RNF14: variants seen among roughly 807,000 people sequenced by gnomAD.
RNF14 encodes ring finger protein 14, also known as E3 ubiquitin-protein ligase RNF14.
RNF14 carries 26 observed loss-of-function variants against 52.6 expected under a neutral mutation model. The observed-to-expected ratio is 0.49, with a 90% CI of 0.36 to 0.69. The LOEUF is 0.69. Ranked by LOEUF, RNF14 falls within the 30% of genes least tolerant of loss-of-function variation. The probability of loss-of-function intolerance (pLI) is 0.00; values close to 1 mark genes in which losing one functional copy is unlikely to be tolerated. For synonymous variants in RNF14, 194 were observed against 202.0 expected, an observed-to-expected ratio of 0.96 and a Z score of 0.34; for missense variants, 404 against 560.4, an observed-to-expected ratio of 0.72 and a Z score of 2.82.
At chr5:141,971,545 T>C (rs1266104446) in intron 2 of RNF14, among the ~76,000 whole-genome samples, 1 of 126,210 alleles carries the variant, frequency 7.9e-6, no homozygotes, top group East Asian at 2.6e-4. Context: ...GTTCATACTT[T>C]AATTGTAGCT....
chr5:141,956,660 C>G, upstream of RNF14: 1 of 1,614,148 alleles, frequency 6.2e-7, no homozygotes, highest in Middle Eastern at 1.6e-4. Flanking sequence ...CTGAAGTGGC[C>G]CAGCTCTTGG....
upstream of RNF14, chr5:141,957,699 C>G (rs1421894737): frequency 1.2e-6 from 2 of 1,614,176 alleles, no homozygotes; most frequent in Non-Finnish European, 1.7e-6. The surrounding 1 kb of genome is among the most constrained non-coding windows in gnomAD (Gnocchi z 4.3). Context: ...GGCCCAGTTC[C>G]TGGGACAGCT....
chr5:141,979,317 T>C (rs1028711623), intron 5 of RNF14, among the ~76,000 whole-genome samples: 1 of 152,148 alleles, frequency 6.6e-6, no homozygotes, highest in Non-Finnish European at 1.5e-5. Flanking sequence ...GGGCATGATC[T>C]CAGCTCACGG....
intron 6 of RNF14, among the ~76,000 whole-genome samples, chr5:141,982,931 A>G (rs1053847188): frequency 3.9e-5 from 6 of 152,222 alleles, no homozygotes; most frequent in African/African-American, 9.7e-5. Flanking sequence ...ATGCATAAAC[A>G]TACCAACATT....
chr5:141,977,731 G>T (rs574466279), intron 4 of RNF14, among the ~76,000 whole-genome samples: 4 of 152,358 alleles, frequency 2.6e-5, no homozygotes, highest in African/African-American at 9.6e-5. Context: ...CTTAAAAGCA[G>T]CTTGTAAATC....
chr5:141,965,433 G>A (rs1224885519), upstream of RNF14, among the ~76,000 whole-genome samples: 12 of 152,178 alleles, frequency 7.9e-5, no homozygotes, highest in Non-Finnish European at 1.5e-4. Context: ...GGGGACAGGG[G>A]GTGGGAGTTG....
At chr5:141,964,655 C>T (rs1753302892), upstream of RNF14, among the ~76,000 whole-genome samples, 2 of 151,976 alleles carry the variant, frequency 1.3e-5, no homozygotes, top group South Asian at 4.1e-4. Flanking sequence ...ATTCTGTTGC[C>T]CAGGCTGGAG....
rs1252686862 is a variant in RNF14 at position 141,988,609 on chromosome 5, C to A, written c.*819C>A. 2 of 152,232 alleles carry A rather than the reference C, an allele frequency of 1.3e-5. No homozygotes were observed. Among genetic ancestry groups the A allele is most frequent in the East Asian group, 3.8e-4 (2 of 5,326 alleles). The allele number at this position is 152,232 out of a possible 1,614,324, so 9.4% of individuals were successfully genotyped here. A position where few individuals can be genotyped will look rare whatever the true frequency, so the allele number is the denominator to read the frequency against. ...ATTCTCTCTCTTTACCTTTGCCCTA[C>A]CTTCTGTTTGTAAGGATGATTTTAA... On this transcript the variant is annotated 3_prime_UTR_variant, in exon 9 of 9. Transcript: ENST00000394520.
chr5:141,974,072 C>G (rs1754031498), intron 3 of RNF14, among the ~76,000 whole-genome samples: 2 of 152,298 alleles, frequency 1.3e-5, no homozygotes, highest in South Asian at 4.1e-4. Flanking sequence ...TAGAAATTTT[C>G]AAGTACAGTG....
At chr5:141,949,448 C>G in the RNF14 span, 1 of 1,613,456 alleles carries the variant, frequency 6.2e-7, no homozygotes, top group African/African-American at 1.3e-5. Context: ...TGGGGTCCAG[C>G]AGACTTGACA....
At chr5:141,953,113 G>C in the RNF14 span, 2 of 152,316 alleles carry the variant, frequency 1.3e-5, no homozygotes, top group East Asian at 3.9e-4. Context: ...CTCCCTACAT[G>C]CCAAGCCCTA....
the RNF14 span, chr5:141,951,706 A>T: frequency 1.3e-6 from 1 of 784,012 alleles, no homozygotes; most frequent in Non-Finnish European, 2.2e-6. Context: ...CTGGCTTCAG[A>T]TGTTTGTGTG....
Position 141,980,335 on chromosome 5 carries a change from A to G in RNF14, c.1047A>G (p.Pro349=), listed in dbSNP as rs971692866. 4 of 1,613,776 alleles carry G rather than the reference A, an allele frequency of 2.5e-6. No individual in the cohort carries two copies. In the Admixed American group the frequency reaches 5.0e-5, roughly 20 times the overall value. The part of the protein sequence containing the change: ...LCRLTYHGVS[P]CKVTAEKLMD... Reference sequence around the variant, plus strand: ...GGTTGACCTACCATGGGGTCTCCCCATGTAAGGTGACTGCAGGTATGTTTT... The same window carrying G: ...GGTTGACCTACCATGGGGTCTCCCCGTGTAAGGTGACTGCAGGTATGTTTT... The change falls in exon 6 of 9, where the codon CCA becomes CCG. Residue 349 remains proline, a synonymous_variant. Transcript: ENST00000394520.
At chr5:141,962,009 C>T (rs368633306), upstream of RNF14, among the ~76,000 whole-genome samples, 216 of 152,266 alleles carry the variant, frequency 1.4e-3, 2 homozygotes, top group South Asian at 0.015. Context: ...AGCCAAGAAG[C>T]ATCCTCCGGC....
At chr5:141,955,151 G>C (rs142096693), upstream of RNF14, 1 of 1,614,200 alleles carries the variant, frequency 6.2e-7, no homozygotes, top group Admixed American at 1.7e-5. The surrounding 1 kb of genome is among the most constrained non-coding windows in gnomAD (Gnocchi z 5.5). Context: ...GGTGGCCTCT[G>C]TGGGGCTTCC....
chr5:141,978,323 C>G lies in RNF14; in HGVS notation c.327C>G (p.His109Gln), dbSNP rs1446646166. The change falls in exon 5 of 9, where the codon CAC becomes CAG. Residue 109 changes from histidine to glutamine, a missense_variant. Coordinates refer to ENST00000394520, the MANE Select transcript of RNF14 (RefSeq NM_004290.5). ...CCTAGCTATCTGCTCTATGCAAGCA[C>G]TTAGACAACCTATGGGAAGAACACC... is the stretch of plus-strand genomic sequence containing the variant. ...SPTQLSALCK[H>Q]LDNLWEEHRG... is the part of the protein sequence containing the mutation. The G allele has an allele frequency of 6.2e-7, 1 of 1,605,730 alleles. No homozygotes were observed. Among genetic ancestry groups the G allele is most frequent in the African/African-American group, 1.3e-5 (1 of 74,656 alleles).
intron 8 of RNF14, among the ~76,000 whole-genome samples, chr5:141,987,090 G>T (rs1370134440): frequency 6.6e-6 from 1 of 152,192 alleles, no homozygotes; most frequent in Non-Finnish European, 1.5e-5. Context: ...GGCAGCATCA[G>T]GCAGTTGGTT....
At chr5:141,950,461 G>C in the RNF14 span, among the ~76,000 whole-genome samples, 1 of 152,142 alleles carries the variant, frequency 6.6e-6, no homozygotes, top group Non-Finnish European at 1.5e-5. Context: ...GGCCTTATGC[G>C]ATGCAAGGTC....
upstream of RNF14, among the ~76,000 whole-genome samples, chr5:141,962,024 C>T (rs1753278794): frequency 6.6e-6 from 1 of 152,106 alleles, no homozygotes; most frequent in Non-Finnish European, 1.5e-5. Context: ...TCCGGCTTAT[C>T]CCAGGTAGGG....
Sources: allele counts gnomAD v4.1 joint callset (sites outside exome capture counted in the v4.1 genomes callset), GRCh38; gene constraint gnomAD v4.1.1; non-coding constraint Gnocchi (gnomAD v3.1); transcripts MANE v1.5; gene names NCBI Gene and HGNC (gene_info 2026-07-23, HGNC 2026-07-21).